The following CDH7 variants were observed in gnomAD, a reference collection of about 807,000 sequenced individuals.
CDH7 encodes the protein cadherin 7, also known as cadherin-7.
In CDH7, 25 loss-of-function variants were observed where a neutral mutation model predicts 71.8. The observed-to-expected ratio is 0.35, with a 90% CI of 0.25 to 0.49. The LOEUF is 0.49. CDH7 is among the 20% of genes least tolerant of loss of function. The pLI is 0.99. For missense variants in CDH7, 862 were observed against 974.6 expected, an observed-to-expected ratio of 0.88 and a Z score of 1.54; for synonymous variants, 381 against 363.8, an observed-to-expected ratio of 1.05 and a Z score of -0.54.
intron 7 of CDH7, among the ~76,000 whole-genome samples, chr18:65,851,938 C>G (rs2144013784): frequency 6.6e-6 from 1 of 152,254 alleles, no homozygotes; most frequent in Non-Finnish European, 1.5e-5. Flanking sequence ...CTTAAAAAAG[C>G]ATGACTTCTG....
rs1598985953 is a variant in CDH7 at position 65,762,954 on chromosome 18, T to G, written c.112T>G (p.Phe38Val). Reference protein sequence around the residue: ...ELSRSRSKPYFQSGRSRTKRS... With the variant: ...ELSRSRSKPYVQSGRSRTKRS... ...CTCAAGGTCCAGATCAAAGCCCTAT[T>G]TCCAATCAGGGAGGTCCCGGACCAA... The change falls in exon 2 of 12, where the codon TTC becomes GTC. Residue 38 changes from phenylalanine (F) to valine (V), a missense_variant. By Grantham distance (50) the Phe-to-Val change is conservative. Transcript: ENST00000397968. The G allele has an allele frequency of 6.2e-7, 1 of 1,613,716 alleles. No individual in the cohort carries two copies. The highest frequency in any genetic ancestry group is 1.7e-4 in the Middle Eastern group (1 of 5,966).
chr18:65,854,940 C>CACAT (rs1555689658), intron 7 of CDH7, among the ~76,000 whole-genome samples: 1 of 61,880 alleles, frequency 1.6e-5, no homozygotes, highest in Non-Finnish European at 4.6e-5. Flanking sequence ...TATACACACA[C>CACAT]ATATATATAC....
At chr18:65,782,162 C>CTT (rs1466611619) in intron 2 of CDH7, among the ~76,000 whole-genome samples, 5 of 106,480 alleles carry the variant, frequency 4.7e-5, no homozygotes, top group African/African-American at 2.4e-4. Context: ...TTCTTTCTTT[C>CTT]TTCCTTTCTT....
chr18:65,847,528 A>G (rs1531922), intron 7 of CDH7, among the ~76,000 whole-genome samples: 134,983 of 152,170 alleles, frequency 0.89, 62,139 homozygotes, highest in East Asian at 1. Flanking sequence ...GCAAGGCGAA[A>G]TTGATATTGT....
chr18:65,785,841 CAAAATT>C (rs1910493273), intron 2 of CDH7, among the ~76,000 whole-genome samples: 1 of 152,008 alleles, frequency 6.6e-6, no homozygotes, highest in African/African-American at 2.4e-5. Context: ...AAAATTAAAA[CAAAATT>C]AAACTTTTCA....
At chr18:65,781,823 T>C (rs75496766) in intron 2 of CDH7, among the ~76,000 whole-genome samples, 1,784 of 34,074 alleles carry the variant, frequency 0.052, 47 homozygotes, top group Middle Eastern at 0.074. Context: ...TCCTTCCTTC[T>C]TTCTTTCTTT....
intron 11 of CDH7, among the ~76,000 whole-genome samples, chr18:65,879,897 A>G (rs1258405952): frequency 1.3e-5 from 2 of 152,176 alleles, no homozygotes; most frequent in Non-Finnish European, 2.9e-5. Flanking sequence ...GACATGCTGG[A>G]TTTTATTTAA....
At chr18:65,759,667 G>T (rs1212651832) in intron 1 of CDH7, among the ~76,000 whole-genome samples, 1 of 152,128 alleles carries the variant, frequency 6.6e-6, no homozygotes, top group Non-Finnish European at 1.5e-5. Flanking sequence ...AAAAGAAATA[G>T]ACTTTATAAG....
At chr18:65,869,545 ATTTTTTTTTTTTTTT>A (rs10696115) in intron 11 of CDH7, among the ~76,000 whole-genome samples, 2 of 91,374 alleles carry the variant, frequency 2.2e-5, no homozygotes, top group Non-Finnish European at 3.8e-5. Context: ...AAGTGGGTCA[ATTTTTTTTTTTTTTT>A]TTTTTTTTTT....
At position 65,762,762 on chromosome 18, in the gene CDH7, A is replaced by G; in HGVS notation, c.-81A>G. ...CAGCTGACACCCTGCCGGAGGCAAG[A>G]GCTACTAAGCCAACTGGAACTGTGC... is the stretch of plus-strand genomic sequence containing the variant. On this transcript the variant is annotated 5_prime_UTR_variant, in exon 2 of 12. Coordinates refer to ENST00000397968, the MANE Select transcript of CDH7 (RefSeq NM_004361.5). 1.7e-6 allele frequency: 2 copies of G among 1,176,158 alleles called. No homozygotes were observed. 72.9% of individuals were successfully genotyped at this position (1,176,158 alleles called of 1,614,324 possible).
intron 6 of CDH7, among the ~76,000 whole-genome samples, chr18:65,830,606 C>T (rs1256321346): frequency 3.3e-5 from 1 of 29,994 alleles, no homozygotes; most frequent in East Asian, 3.5e-3. Context: ...CCCCCCTTCC[C>T]TTTCCTTCCC....
intron 2 of CDH7, among the ~76,000 whole-genome samples, chr18:65,774,775 T>G (rs908988610): frequency 6.6e-6 from 1 of 152,080 alleles, no homozygotes; most frequent in Non-Finnish European, 1.5e-5. Flanking sequence ...CCCCTGATGA[T>G]GCAGGATCAT....
chr18:65,809,670 A>G (rs1033507611), intron 2 of CDH7, 34 bp from the exon 3 acceptor site: 40 of 1,562,400 alleles, frequency 2.6e-5, no homozygotes, highest in Non-Finnish European at 3.5e-5. Context: ...ACTCTCTTGT[A>G]AGTTAATCTC....
At chr18:65,821,792 T>C (rs910622238) in intron 4 of CDH7, among the ~76,000 whole-genome samples, 2 of 152,156 alleles carry the variant, frequency 1.3e-5, no homozygotes, top group African/African-American at 2.4e-5. Context: ...AAAAGGCCAT[T>C]TTATTTATTT....
intron 1 of CDH7, among the ~76,000 whole-genome samples, chr18:65,758,919 C>T (rs1916109027): frequency 6.6e-6 from 1 of 151,912 alleles, no homozygotes; most frequent in South Asian, 2.1e-4. Flanking sequence ...TCTCCTTCTT[C>T]ATCAAGGTTT....
Position 65,822,350 on chromosome 18 carries a change from A to G in CDH7, c.793+102A>G, listed in dbSNP as rs1319734087. The G allele has an allele frequency of 6.9e-6, 6 of 874,192 alleles. No individual in the cohort carries two copies. The African/African-American group carries it at 8.5e-5, about 12-fold the overall frequency. The allele number at this position is 874,192 out of a possible 1,614,324, so 54.2% of individuals were successfully genotyped here. ...TTTTTCAAATACTTCTAAAGCAAATAATTGTCTTACTTCATTCTCTCAAAT... is the reference window on the plus strand; with the variant it reads ...TTTTTCAAATACTTCTAAAGCAAATGATTGTCTTACTTCATTCTCTCAAAT... On this transcript the variant is annotated intron_variant, in intron 5 of 11. Transcript: ENST00000397968.
chr18:65,844,174 G>GATTTATTTATATATATATATATAT, intron 7 of CDH7, 109 bp downstream of exon 7: 1 of 220,090 alleles, frequency 4.5e-6, no homozygotes, highest in Non-Finnish European at 8.3e-6. Flanking sequence ...ATAAAAACCA[G>GATTTATTTATATATATATATATAT]ATATATATAT....
chr18:65,757,829 T>C (rs1916076365), intron 1 of CDH7, among the ~76,000 whole-genome samples: 2 of 151,894 alleles, frequency 1.3e-5, no homozygotes, highest in Admixed American at 6.6e-5. Context: ...CTAGTAATAG[T>C]GAAGAGGTCA....
intron 2 of CDH7, among the ~76,000 whole-genome samples, chr18:65,776,389 CACACACACACACAG>C (rs1909942645): frequency 6.6e-6 from 1 of 150,502 alleles, no homozygotes; most frequent in African/African-American, 2.5e-5. Flanking sequence ...CACACACACA[CACACACACACACAG>C]AGAGAGAGAG....
Sources: gnomAD v4.1 joint callset for allele counts (sites outside exome capture counted in the v4.1 genomes callset) on GRCh38, gnomAD v4.1.1 for gene constraint, MANE v1.5 for transcripts, NCBI Gene and HGNC (gene_info 2026-07-23, HGNC 2026-07-21) for gene names.